The following UBR3 variants were observed in gnomAD, a reference collection of about 807,000 sequenced individuals.
The protein encoded by UBR3 is E3 ubiquitin-protein ligase UBR3.
A neutral mutation model predicts 243.2 loss-of-function variants in UBR3; 85 were observed. The observed-to-expected ratio is 0.35, with a 90% CI of 0.29 to 0.42. The LOEUF is 0.42. UBR3 is among the 10% of genes least tolerant of loss of function. The pLI is 1.00. For missense variants in UBR3, 1,686 were observed against 2,300.8 expected, an observed-to-expected ratio of 0.73 and a Z score of 5.47; for synonymous variants, 748 against 799.8, an observed-to-expected ratio of 0.94 and a Z score of 1.09.
intron 25 of UBR3, among the ~76,000 whole-genome samples, chr2:169,988,303 G>A (rs2089120576): frequency 6.6e-6 from 1 of 152,238 alleles, no homozygotes; most frequent in South Asian, 2.1e-4. Flanking sequence ...TCTAGTAAGA[G>A]ACAAAACAAA....
At chr2:169,834,446 C>T (rs1031826507) in intron 1 of UBR3, among the ~76,000 whole-genome samples, 4 of 152,104 alleles carry the variant, frequency 2.6e-5, no homozygotes, top group Admixed American at 6.6e-5. Flanking sequence ...GAAGTTATAT[C>T]TTGGTTGAAG....
At chr2:170,057,992 T>C (rs551748644) in intron 33 of UBR3, among the ~76,000 whole-genome samples, 17 of 152,186 alleles carry the variant, frequency 1.1e-4, no homozygotes, top group Non-Finnish European at 2.5e-4. Context: ...TATTTTATGT[T>C]AGGAACTTGA....
chr2:169,835,787 T>A (rs1351842099), intron 1 of UBR3, among the ~76,000 whole-genome samples: 1 of 152,034 alleles, frequency 6.6e-6, no homozygotes, highest in African/African-American at 2.4e-5. Context: ...TTTTCAATTA[T>A]GAAACAATTT....
At chr2:169,836,069 T>TATA (rs1558999210) in intron 1 of UBR3, among the ~76,000 whole-genome samples, 3 of 50,474 alleles carry the variant, frequency 5.9e-5, no homozygotes, top group African/African-American at 9.0e-5. Flanking sequence ...ATATATATAT[T>TATA]TTTTTTTTTT....
intron 22 of UBR3, chr2:169,948,066 T>A: frequency 2.3e-6 from 1 of 440,124 alleles, no homozygotes; most frequent in Non-Finnish European, 3.0e-6. Flanking sequence ...GAAGGTTTCT[T>A]GGATTTATGT....
At chr2:169,986,505 AT>A (rs1258881467) in intron 24 of UBR3, 139 bp from the exon 25 acceptor site, 42 of 670,548 alleles carry the variant, frequency 6.3e-5, no homozygotes, top group Non-Finnish European at 9.6e-5. Flanking sequence ...GAGTAAGGTT[AT>A]TTTTTCCACA....
At chr2:170,060,045 C>A (rs1173337077) in intron 33 of UBR3, among the ~76,000 whole-genome samples, 1 of 152,100 alleles carries the variant, frequency 6.6e-6, no homozygotes, top group Non-Finnish European at 1.5e-5. Flanking sequence ...CAAATATCAT[C>A]CAATAATAAA....
At chr2:170,014,125 G>C (rs933895648) in intron 29 of UBR3, 5 of 240,670 alleles carry the variant, frequency 2.1e-5, no homozygotes, top group African/African-American at 9.1e-5. Context: ...CCTGAGTAGA[G>C]AGGATTAAAG....
chr2:169,883,078 T>G (rs2083954786), intron 5 of UBR3, among the ~76,000 whole-genome samples: 1 of 152,222 alleles, frequency 6.6e-6, no homozygotes, highest in South Asian at 2.1e-4. Context: ...GTCTTAAAAT[T>G]ACCATTTTAT....
chr2:169,971,353 G>T (rs2088133892), intron 24 of UBR3, among the ~76,000 whole-genome samples: 3 of 151,274 alleles, frequency 2.0e-5, no homozygotes, highest in South Asian at 2.1e-4. Context: ...GTCAATTTTG[G>T]CTTTTGTTGC....
At chr2:170,066,966 AAAT>A (rs6147024) in intron 35 of UBR3, among the ~76,000 whole-genome samples, 23,972 of 102,468 alleles carry the variant, frequency 0.23, 2,789 homozygotes, top group African/African-American at 0.35. Flanking sequence ...TCCGTCTCTA[AAAT>A]AATAATAATA....
chr2:170,055,351 T>G, intron 32 of UBR3, 109 bp from the exon 33 acceptor site: 1 of 1,348,632 alleles, frequency 7.4e-7, no homozygotes, highest in South Asian at 1.4e-5. Flanking sequence ...TATTAAGTGT[T>G]GAAAACAAAA....
At chr2:169,960,635 A>G (rs2087529358) in intron 24 of UBR3, among the ~76,000 whole-genome samples, 1 of 152,094 alleles carries the variant, frequency 6.6e-6, no homozygotes, top group Admixed American at 6.5e-5. Flanking sequence ...TGTAGTAGTC[A>G]GTATCTTGAT....
chr2:170,070,326 G>A lies in UBR3; in HGVS notation c.5020-3102G>A, dbSNP rs150303259. On this transcript the variant is annotated intron_variant, in intron 35 of 38. Transcript: ENST00000272793. ...ACTTTCATGGTAAAAACACTCACAA[G>A]GCTAGGAATAGAAGGGAATTTTCTC... Among the ~76,000 whole-genome samples, 7 of 152,154 alleles carry A rather than the reference G, an allele frequency of 4.6e-5. No homozygotes were observed. The East Asian group carries it at 9.6e-4, about 21-fold the overall frequency.
chr2:169,967,339 A>C (rs2087869158), intron 24 of UBR3, among the ~76,000 whole-genome samples: 1 of 149,550 alleles, frequency 6.7e-6, no homozygotes, highest in South Asian at 2.1e-4. Context: ...AATAAGAATT[A>C]ATAGACCTGA....
chr2:169,877,541 A>G lies in UBR3; in HGVS notation c.892A>G (p.Ile298Val), dbSNP rs372424710. The change falls in exon 4 of 39, where the codon ATA (isoleucine) becomes GTA (valine). Residue 298 changes from isoleucine (I) to valine (V), a missense_variant. By Grantham distance (29) the Ile-to-Val change is conservative. This residue lies in a region of UBR3 where 200 missense variants were observed against 231.6 expected (regional missense o/e 0.86). Transcript: ENST00000272793. ...CVKKSHEKYL[I>V]ALKSSGLTYP... is the part of the protein sequence containing the mutation. ...AAAGAAAAGTCATGAAAAGTACCTTATAGCTTTAAAGAGCTCTGGACTTAC... is the reference window on the plus strand; with the variant it reads ...AAAGAAAAGTCATGAAAAGTACCTTGTAGCTTTAAAGAGCTCTGGACTTAC... 6.9e-5 allele frequency: 107 copies of G among 1,546,890 alleles called. No homozygotes were observed. The African/African-American group carries it at 1.3e-3, about 19-fold the overall frequency.
chr2:169,914,872 G>GTGTGTT (rs1223231649), intron 11 of UBR3, among the ~76,000 whole-genome samples: 16 of 56,518 alleles, frequency 2.8e-4, no homozygotes, highest in African/African-American at 5.9e-4. Flanking sequence ...GTGTGTGTGT[G>GTGTGTT]TTTTTTTTCC....
chr2:169,909,708 GAT>G (rs1275030615), intron 10 of UBR3, among the ~76,000 whole-genome samples: 2 of 150,404 alleles, frequency 1.3e-5, no homozygotes, highest in Non-Finnish European at 3.0e-5. Context: ...TAATTAGCTT[GAT>G]ATACCCATCC....
At chr2:169,832,934 G>GA (rs140979216) in intron 1 of UBR3, among the ~76,000 whole-genome samples, 186 of 141,934 alleles carry the variant, frequency 1.3e-3, no homozygotes, top group Non-Finnish European at 1.8e-3. Flanking sequence ...ACTCCATCTG[G>GA]AAAAAAAAAA....
Sources: allele counts gnomAD v4.1 joint callset (sites outside exome capture counted in the v4.1 genomes callset), GRCh38; gene constraint gnomAD v4.1.1; regional missense constraint gnomAD v4.1.1; transcripts MANE v1.5; gene names NCBI Gene and HGNC (gene_info 2026-07-23, HGNC 2026-07-21).